The following ARMC2 variants were observed in gnomAD, a reference collection of about 807,000 sequenced individuals.
The protein encoded by ARMC2 is armadillo repeat containing 2.
In ARMC2, 67 loss-of-function variants were observed where a neutral mutation model predicts 90.3. That is an observed-to-expected ratio of 0.74 (90% CI 0.61 to 0.91). The LOEUF (loss-of-function observed/expected upper bound fraction) is 0.91, where lower values mean the gene tolerates loss of function less well. Among genes scored for constraint, ARMC2 ranks in the 40% least tolerant of loss-of-function variants. The pLI is 0.00. For synonymous variants in ARMC2, 393 were observed against 393.0 expected, an observed-to-expected ratio of 1.00 and a Z score of 0.00; for missense variants, 920 against 1,030.9, an observed-to-expected ratio of 0.89 and a Z score of 1.47.
At chr6:109,048,658 T>C in the ARMC2 span, among the ~76,000 whole-genome samples, 2 of 152,290 alleles carry the variant, frequency 1.3e-5, no homozygotes, top group East Asian at 1.9e-4. Flanking sequence ...ATTTTTTTTA[T>C]GTCAAATTTT....
At chr6:108,987,362 CA>C in the ARMC2 span, 1 of 493,202 alleles carries the variant, frequency 2.0e-6, no homozygotes, top group Non-Finnish European at 3.6e-6. Context: ...TTGAAGCTGC[CA>C]AACAGTCACT....
chr6:108,855,811 A>T (rs1430050346), intron 2 of ARMC2, among the ~76,000 whole-genome samples: 1 of 152,158 alleles, frequency 6.6e-6, no homozygotes, highest in East Asian at 1.9e-4. Flanking sequence ...TGGACATGTG[A>T]TGTGGAGCAT....
At chr6:108,946,368 T>C (rs150531397) in intron 12 of ARMC2, among the ~76,000 whole-genome samples, 47 of 152,376 alleles carry the variant, frequency 3.1e-4, no homozygotes, top group African/African-American at 1.1e-3. Context: ...ACTTAGATTC[T>C]TGGCTTTGAG....
chr6:108,975,250 G>A (rs1382965893), downstream of ARMC2, among the ~76,000 whole-genome samples: 1 of 151,988 alleles, frequency 6.6e-6, no homozygotes, highest in East Asian at 1.9e-4. Flanking sequence ...ATGAGAACAT[G>A]TGGTGTTTGG....
chr6:108,883,972 ATCT>A (rs989257832), intron 5 of ARMC2, among the ~76,000 whole-genome samples: 1 of 152,142 alleles, frequency 6.6e-6, no homozygotes, highest in African/African-American at 2.4e-5. Flanking sequence ...TTTTTTTAAA[ATCT>A]TCTTTGTACT....
chr6:108,989,282 C>T, the ARMC2 span, among the ~76,000 whole-genome samples: 7 of 152,036 alleles, frequency 4.6e-5, no homozygotes, highest in Admixed American at 2.0e-4. Flanking sequence ...GGATTATGGG[C>T]GTGAGCCACC....
At chr6:108,915,577 A>G (rs531599009) in intron 10 of ARMC2, among the ~76,000 whole-genome samples, 3 of 152,312 alleles carry the variant, frequency 2.0e-5, no homozygotes, top group Admixed American at 6.5e-5. Context: ...CATCTTCCAA[A>G]GCTGGACCCT....
At chr6:108,966,473 C>CT (rs1052207344) in intron 17 of ARMC2, among the ~76,000 whole-genome samples, 2 of 152,168 alleles carry the variant, frequency 1.3e-5, no homozygotes, top group East Asian at 1.9e-4. Flanking sequence ...TCTGGAAACT[C>CT]TTTAAGTGTT....
the ARMC2 span, among the ~76,000 whole-genome samples, chr6:108,989,407 A>G: frequency 7.4e-5 from 11 of 149,372 alleles, no homozygotes; most frequent in African/African-American, 2.7e-4. Flanking sequence ...ATATAGATAG[A>G]TATCTCTAGA....
chr6:108,874,315 G>A (rs1469520883), intron 4 of ARMC2, among the ~76,000 whole-genome samples: 1 of 152,184 alleles, frequency 6.6e-6, no homozygotes, highest in African/African-American at 2.4e-5. Context: ...ATGATGGCTG[G>A]GACTTGTTCA....
At chr6:108,964,462 C>T in intron 16 of ARMC2, 150 bp downstream of exon 16, 1 of 927,342 alleles carries the variant, frequency 1.1e-6, no homozygotes, top group Non-Finnish European at 1.6e-6. Flanking sequence ...GGTTTAGATT[C>T]CACTGGATAC....
rs1423114067 is a variant in ARMC2 at position 108,876,280 on chromosome 6, T to G, written c.601T>G (p.Phe201Val). ...HPLQLTDDGG[F>V]SEIKEQEMFK... ...ACTTCAGCTAACTGATGATGGAGGCTTCAGTGAAATAAAGGAGCAAGAAAT... is the reference window on the plus strand; with the variant it reads ...ACTTCAGCTAACTGATGATGGAGGCGTCAGTGAAATAAAGGAGCAAGAAAT... The change falls in exon 5 of 18, where the codon TTC (phenylalanine) becomes GTC (valine). Residue 201 changes from phenylalanine to valine, a missense_variant. By Grantham distance (50) the Phe-to-Val change is conservative. Coordinates refer to ENST00000392644, the MANE Select transcript of ARMC2 (RefSeq NM_032131.6). 2 of 1,612,778 alleles carry G rather than the reference T, an allele frequency of 1.2e-6. No homozygotes were observed. The highest frequency in any genetic ancestry group is 8.5e-7 in the Non-Finnish European group (1 of 1,179,596).
chr6:109,009,487 G>A, the ARMC2 span: 2 of 1,235,370 alleles, frequency 1.6e-6, no homozygotes, highest in Non-Finnish European at 2.0e-6. Context: ...CTGCGGACGC[G>A]CGGAGGCGGC....
At chr6:108,899,560 C>G (rs1001671874) in intron 6 of ARMC2, 134 bp from the exon 7 acceptor site, 10 of 693,054 alleles carry the variant, frequency 1.4e-5, no homozygotes, top group Admixed American at 8.5e-5. Flanking sequence ...GAGAAATAGT[C>G]AGGCTTGGAG....
intron 13 of ARMC2, among the ~76,000 whole-genome samples, chr6:108,961,313 C>CT (rs768016400): frequency 2.8e-4 from 42 of 152,336 alleles, no homozygotes; most frequent in Admixed American, 2.0e-4. Flanking sequence ...ATCAGCTGGA[C>CT]TTTTCCAGAC....
intron 13 of ARMC2, among the ~76,000 whole-genome samples, chr6:108,956,112 G>A (rs1349161406): frequency 6.6e-6 from 1 of 152,118 alleles, no homozygotes; most frequent in Non-Finnish European, 1.5e-5. Context: ...AAACCGACTG[G>A]GCGAATTCTC....
At chr6:109,043,900 C>G in the ARMC2 span, among the ~76,000 whole-genome samples, 14 of 152,240 alleles carry the variant, frequency 9.2e-5, no homozygotes, top group Middle Eastern at 3.4e-3. Flanking sequence ...GTTTTCATGA[C>G]TTATTATAAA....
chr6:109,021,140 T>C, the ARMC2 span, among the ~76,000 whole-genome samples: 1 of 152,044 alleles, frequency 6.6e-6, no homozygotes, highest in Non-Finnish European at 1.5e-5. Context: ...ACTACAGGCA[T>C]GCCACCATGA....
At chr6:108,962,822 T>C (rs777673336) in intron 15 of ARMC2, among the ~76,000 whole-genome samples, 6 of 152,028 alleles carry the variant, frequency 3.9e-5, no homozygotes, top group Admixed American at 6.6e-5. Flanking sequence ...CTGGGTAACA[T>C]AGTGAGAACC....
Sources: allele counts gnomAD v4.1 joint callset (sites outside exome capture counted in the v4.1 genomes callset), GRCh38; gene constraint gnomAD v4.1.1; transcripts MANE v1.5; gene names NCBI Gene and HGNC (gene_info 2026-07-23, HGNC 2026-07-21).